The following UGT1A8 variants were observed in gnomAD, a reference collection of about 807,000 sequenced individuals.
UGT1A8 encodes the protein UDP glucuronosyltransferase family 1 member A8, also known as UDP-glucuronosyltransferase 1A8.
In UGT1A8, 39 loss-of-function variants were observed where a neutral mutation model predicts 45.3. The ratio of observed to expected loss-of-function variants is 0.86; its 90% confidence interval spans 0.67 to 1.12. The LOEUF (loss-of-function observed/expected upper bound fraction) is 1.12. Among genes scored for constraint, UGT1A8 ranks in the 50% most tolerant of loss-of-function variants. The probability of loss-of-function intolerance (pLI) is 0.00; values close to 1 mark genes in which losing one functional copy is unlikely to be tolerated. For synonymous variants in UGT1A8, 275 were observed against 249.2 expected, an observed-to-expected ratio of 1.10 and a Z score of -0.97; for missense variants, 719 against 664.9, an observed-to-expected ratio of 1.08 and a Z score of -0.90.
At chr2:233,665,776 A>G (rs1422421371) in intron 1 of UGT1A8, among the ~76,000 whole-genome samples, 1 of 152,202 alleles carries the variant, frequency 6.6e-6, no homozygotes, top group Non-Finnish European at 1.5e-5. Flanking sequence ...TACAGGAAGT[A>G]TTTTATTCTT....
At chr2:233,623,250 C>T (rs2073040654) in intron 1 of UGT1A8, among the ~76,000 whole-genome samples, 1 of 151,982 alleles carries the variant, frequency 6.6e-6, no homozygotes, top group South Asian at 2.1e-4. Flanking sequence ...TAGTTTTTTC[C>T]AATTCTGTGA....
intron 1 of UGT1A8, chr2:233,761,265 GC>G: frequency 2.5e-6 from 4 of 1,595,896 alleles, no homozygotes; most frequent in Non-Finnish European, 3.4e-6. Context: ...AATTTAAAAT[GC>G]CCTCTTTTGT....
chr2:233,646,972 G>T (rs898265235), intron 1 of UGT1A8, among the ~76,000 whole-genome samples: 2 of 152,182 alleles, frequency 1.3e-5, no homozygotes, highest in South Asian at 2.1e-4. Context: ...AAAAGACAGA[G>T]GTTTAATTGA....
At chr2:233,623,427 G>C (rs2073043867) in intron 1 of UGT1A8, among the ~76,000 whole-genome samples, 1 of 152,074 alleles carries the variant, frequency 6.6e-6, no homozygotes, top group Non-Finnish European at 1.5e-5. Flanking sequence ...AGTTCTCCTT[G>C]AAGAGGTCTT....
chr2:233,646,800 G>A (rs1207759233), intron 1 of UGT1A8, among the ~76,000 whole-genome samples: 1 of 152,078 alleles, frequency 6.6e-6, no homozygotes, highest in Non-Finnish European at 1.5e-5. Flanking sequence ...CTTCTTCTGA[G>A]CCCTCCAAAC....
intron 1 of UGT1A8, among the ~76,000 whole-genome samples, chr2:233,677,329 A>G (rs1250093845): frequency 4.6e-5 from 7 of 152,118 alleles, no homozygotes; most frequent in African/African-American, 1.7e-4. Context: ...CATTGCTAGT[A>G]TAGTTGACCC....
intron 1 of UGT1A8, among the ~76,000 whole-genome samples, chr2:233,662,520 T>C (rs1464202199): frequency 1.3e-5 from 2 of 152,238 alleles, no homozygotes; most frequent in Non-Finnish European, 1.5e-5. Context: ...TACTTATTTG[T>C]TCTTGGAGGT....
At chr2:233,621,626 A>G (rs764157020) in intron 1 of UGT1A8, among the ~76,000 whole-genome samples, 15 of 152,234 alleles carry the variant, frequency 9.9e-5, no homozygotes, top group Non-Finnish European at 2.2e-4. Context: ...ATGACCACCC[A>G]TATATCAATC....
chr2:233,765,466 T>C (rs1160830121), intron 1 of UGT1A8, among the ~76,000 whole-genome samples: 1 of 152,142 alleles, frequency 6.6e-6, no homozygotes, highest in Non-Finnish European at 1.5e-5. Context: ...AGGACATGGA[T>C]GAAGCTGGAA....
intron 1 of UGT1A8, among the ~76,000 whole-genome samples, chr2:233,720,300 G>A (rs2076846492): frequency 6.6e-6 from 1 of 152,266 alleles, no homozygotes. Context: ...GGAGTTGGGG[G>A]TCTGGTGTAT....
intron 1 of UGT1A8, among the ~76,000 whole-genome samples, chr2:233,621,677 T>C (rs137952211): frequency 6.6e-6 from 1 of 152,328 alleles, no homozygotes; most frequent in African/African-American, 2.4e-5. Flanking sequence ...AACTGATTCA[T>C]CTATCCCTTT....
chr2:233,696,212 C>G (rs558627515), intron 1 of UGT1A8, among the ~76,000 whole-genome samples: 1 of 152,314 alleles, frequency 6.6e-6, no homozygotes, highest in East Asian at 1.9e-4. Context: ...TATTATAGCA[C>G]TATTCACAGT....
At chr2:233,618,659 G>A (rs989795685) in intron 1 of UGT1A8, 97 bp downstream of exon 1, 61 of 1,512,670 alleles carry the variant, frequency 4.0e-5, no homozygotes, top group Non-Finnish European at 5.2e-5. Flanking sequence ...TTCATTTGTT[G>A]CATTTCAAAT....
chr2:233,719,031 G>A, intron 1 of UGT1A8: 3 of 1,614,284 alleles, frequency 1.9e-6, no homozygotes, highest in East Asian at 2.2e-5. Flanking sequence ...GCACATCAAA[G>A]AAGAGAAATT....
intron 1 of UGT1A8, among the ~76,000 whole-genome samples, chr2:233,751,474 G>T (rs1469099593): frequency 6.6e-6 from 1 of 152,210 alleles, no homozygotes; most frequent in South Asian, 2.1e-4. Context: ...GATTGGTTTT[G>T]AAATGTGAAA....
chr2:233,738,530 G>A (rs1226975410), intron 1 of UGT1A8, among the ~76,000 whole-genome samples: 4 of 152,208 alleles, frequency 2.6e-5, no homozygotes, highest in African/African-American at 9.6e-5. Flanking sequence ...GGACAATGAA[G>A]TCCAGGCTGA....
chr2:233,723,516 CTTTTTTTTT>C (rs1162916866), intron 1 of UGT1A8, among the ~76,000 whole-genome samples: 2 of 85,406 alleles, frequency 2.3e-5, no homozygotes, highest in East Asian at 3.2e-4. Context: ...GGTCAACAAT[CTTTTTTTTT>C]TTTTTTTTTT....
intron 1 of UGT1A8, among the ~76,000 whole-genome samples, chr2:233,653,717 C>G (rs935970884): frequency 6.6e-6 from 1 of 152,186 alleles, no homozygotes; most frequent in Non-Finnish European, 1.5e-5. Context: ...CTGCCTCAGC[C>G]TCCTGGGTAG....
At position 233,618,415 on chromosome 2, in the gene UGT1A8, A is replaced by G. The variant is rs758261520; in HGVS notation, c.708A>G (p.Gln236=). The change falls in exon 1 of 5, where the codon CAA becomes CAG. Residue 236 remains glutamine, a synonymous_variant. Transcript: ENST00000373450. The part of the protein sequence containing the change: ...NALEIASEIL[Q]TPVTAYDLYS... ...TAGAAATAGCCTCTGAAATTCTCCAAACACCTGTCACAGCATATGATCTCT... is the reference window on the plus strand; with the variant it reads ...TAGAAATAGCCTCTGAAATTCTCCAGACACCTGTCACAGCATATGATCTCT... 2 of 1,613,824 alleles carry G rather than the reference A, an allele frequency of 1.2e-6. No individual in the cohort carries two copies. The highest frequency in any genetic ancestry group is 2.7e-5 in the African/African-American group (2 of 74,920).
Sources: allele counts gnomAD v4.1 joint callset (sites outside exome capture counted in the v4.1 genomes callset), GRCh38; gene constraint gnomAD v4.1.1; transcripts MANE v1.5; gene names NCBI Gene and HGNC (gene_info 2026-07-23, HGNC 2026-07-21).